Variants in HHAT observed in about 807,000 individuals in gnomAD.
HHAT encodes the protein hedgehog acyltransferase.
HHAT carries 47 observed loss-of-function variants against 70.8 expected under a neutral mutation model. The observed-to-expected ratio is 0.66, with a 90% CI of 0.53 to 0.85. The LOEUF is 0.85. Ranked by LOEUF, HHAT falls within the 40% of genes least tolerant of loss-of-function variation. HHAT has a pLI of 0.00. For missense variants in HHAT, 609 were observed against 604.8 expected, an observed-to-expected ratio of 1.01 and a Z score of -0.07; for synonymous variants, 228 against 247.6, an observed-to-expected ratio of 0.92 and a Z score of 0.74.
At chr1:210,345,546 A>G (rs2086444043) in intron 1 of HHAT, among the ~76,000 whole-genome samples, 1 of 152,192 alleles carries the variant, frequency 6.6e-6, no homozygotes, top group African/African-American at 2.4e-5. Flanking sequence ...ACCTGTGCTT[A>G]TTAATCTTTA....
At chr1:210,489,950 G>A (rs997562854) in intron 8 of HHAT, among the ~76,000 whole-genome samples, 2 of 152,150 alleles carry the variant, frequency 1.3e-5, no homozygotes, top group African/African-American at 4.8e-5. Context: ...TCTGTAGGAG[G>A]CATAGTCCTC....
At position 210,551,275 on chromosome 1, in the gene HHAT, C is replaced by T. The variant is rs544820426; in HGVS notation, c.1044-36623C>T. 9.4e-5 allele frequency among the ~76,000 whole-genome samples: 14 copies of T among 148,702 alleles called. 3 individuals are homozygous for T. The East Asian group carries it at 2.2e-3, about 24-fold the overall frequency. On this transcript the variant is annotated intron_variant, in intron 9 of 11. Transcript: ENST00000261458. ...CCCAGGGAGAGAGGGGATGTCCCAG[C>T]GGCGAGCAAAAGCAGAATCCTTAGC...
At chr1:210,567,422 A>C (rs1031631688) in intron 9 of HHAT, among the ~76,000 whole-genome samples, 3 of 152,182 alleles carry the variant, frequency 2.0e-5, no homozygotes, top group African/African-American at 7.2e-5. Flanking sequence ...AATTTCCCAG[A>C]GTAGTTTCAT....
intron 7 of HHAT, among the ~76,000 whole-genome samples, chr1:210,461,290 A>T (rs1200024454): frequency 6.6e-6 from 1 of 152,188 alleles, no homozygotes; most frequent in Non-Finnish European, 1.5e-5. Context: ...AAGAAGAATG[A>T]GCCATGCATT....
chr1:210,554,416 T>C (rs1032966450), intron 9 of HHAT, among the ~76,000 whole-genome samples: 8 of 152,164 alleles, frequency 5.3e-5, no homozygotes, highest in African/African-American at 4.8e-5. Context: ...AGTTTTGCCC[T>C]TTGGTGCTGG....
At chr1:210,487,534 T>C (rs995699796) in intron 8 of HHAT, among the ~76,000 whole-genome samples, 1 of 152,170 alleles carries the variant, frequency 6.6e-6, no homozygotes, top group African/African-American at 2.4e-5. Flanking sequence ...AGCATGTGCA[T>C]GTTTTAATAT....
intron 7 of HHAT, among the ~76,000 whole-genome samples, chr1:210,448,545 T>C (rs1042621850): frequency 1.3e-5 from 2 of 152,160 alleles, no homozygotes; most frequent in African/African-American, 4.8e-5. Flanking sequence ...TAGCCTAATA[T>C]TCAGCCTCTC....
chr1:210,577,323 A>G (rs899429358), intron 9 of HHAT, among the ~76,000 whole-genome samples: 11 of 152,184 alleles, frequency 7.2e-5, no homozygotes, highest in Admixed American at 6.5e-5. Context: ...CTTGTCATAT[A>G]TGGACTTTAT....
chr1:210,371,085 G>C (rs1321117966), intron 3 of HHAT, among the ~76,000 whole-genome samples: 1 of 152,118 alleles, frequency 6.6e-6, no homozygotes, highest in East Asian at 1.9e-4. Flanking sequence ...GTAAAGAGCC[G>C]GCATTCTTTG....
chr1:210,667,714 AC>A (rs142700839), intron 11 of HHAT, among the ~76,000 whole-genome samples: 4,377 of 152,210 alleles, frequency 0.029, 84 homozygotes, highest in Middle Eastern at 0.065. Context: ...GCCCCAGGCA[AC>A]CCCCGATATG....
chr1:210,545,151 T>A (rs2095472136), intron 9 of HHAT, among the ~76,000 whole-genome samples: 1 of 152,308 alleles, frequency 6.6e-6, no homozygotes, highest in South Asian at 2.1e-4. Flanking sequence ...TACCAATGCT[T>A]TGAAGATTTT....
At chr1:210,599,472 T>A (rs1431549513) in intron 10 of HHAT, among the ~76,000 whole-genome samples, 1 of 152,088 alleles carries the variant, frequency 6.6e-6, no homozygotes, top group Non-Finnish European at 1.5e-5. Flanking sequence ...ACCCCCTGCC[T>A]CCCAGTAATT....
In HHAT at chr1:210,569,373, C is replaced by CAAAAAAAA. The variant is rs71146233; in HGVS notation, c.1044-18506_1044-18499dup. On this transcript the variant is annotated intron_variant, in intron 9 of 11. Coordinates refer to ENST00000261458, the MANE Select transcript of HHAT (RefSeq NM_018194.6). ...CGGGCGACAGAGCCAGAGTCTGCCT[C>CAAAAAAAA]AAAAAAAAAAAAAAAAAAAAAAAAA... Among the ~76,000 whole-genome samples the CAAAAAAAA allele has an allele frequency of 2.6e-3, 75 of 28,336 alleles. 19 individuals carry two copies. The highest frequency in any genetic ancestry group is 4.7e-3 in the African/African-American group (38 of 8,134). 18.6% of individuals were successfully genotyped at this position (28,336 alleles called of 152,430 possible). A position where few individuals can be genotyped will look rare whatever the true frequency, so the allele number is the denominator to read the frequency against.
chr1:210,355,323 A>G (rs1273942220), intron 2 of HHAT, among the ~76,000 whole-genome samples: 2 of 152,188 alleles, frequency 1.3e-5, no homozygotes, highest in African/African-American at 4.8e-5. Flanking sequence ...TTGAATGTTA[A>G]CCTGTTTTAA....
chr1:210,572,798 G>A (rs946312657), intron 9 of HHAT, among the ~76,000 whole-genome samples: 4 of 152,094 alleles, frequency 2.6e-5, no homozygotes, highest in Admixed American at 2.0e-4. Flanking sequence ...CAGAAGGCCG[G>A]GGTGGGAGGA....
At chr1:210,399,256 C>A (rs1471888079) in intron 4 of HHAT, among the ~76,000 whole-genome samples, 1 of 152,018 alleles carries the variant, frequency 6.6e-6, no homozygotes, top group African/African-American at 2.4e-5. Context: ...TGTTATTATT[C>A]CAGTTTTGTT....
At chr1:210,660,000 A>T (rs191886765) in intron 11 of HHAT, among the ~76,000 whole-genome samples, 2 of 152,336 alleles carry the variant, frequency 1.3e-5, no homozygotes, top group African/African-American at 4.8e-5. Flanking sequence ...TTCCTTTGAA[A>T]ACTGGCACAA....
intron 4 of HHAT, among the ~76,000 whole-genome samples, chr1:210,395,851 C>T (rs1204449502): frequency 6.6e-6 from 1 of 152,202 alleles, no homozygotes; most frequent in Non-Finnish European, 1.5e-5. Flanking sequence ...ATCTACCCAG[C>T]TATCCATCCA....
chr1:210,419,193 G>A (rs1429336051), intron 7 of HHAT, among the ~76,000 whole-genome samples: 1 of 152,104 alleles, frequency 6.6e-6, no homozygotes, highest in Non-Finnish European at 1.5e-5. Flanking sequence ...GAGGATATTA[G>A]GCAGCGCTGC....
Sources: allele counts gnomAD v4.1 joint callset (sites outside exome capture counted in the v4.1 genomes callset), GRCh38; gene constraint gnomAD v4.1.1; transcripts MANE v1.5; gene names NCBI Gene and HGNC (gene_info 2026-07-23, HGNC 2026-07-21).